EPB41L4B: variants seen among roughly 807,000 people sequenced by gnomAD.
EPB41L4B encodes the protein band 4.1-like protein 4B.
A neutral mutation model predicts 112.5 loss-of-function variants in EPB41L4B; 30 were observed. The observed-to-expected ratio is 0.27, with a 90% CI of 0.20 to 0.36. EPB41L4B has a LOEUF of 0.36. EPB41L4B is among the 10% of genes least tolerant of loss of function. The probability of loss-of-function intolerance (pLI) is 1.00; values close to 1 mark genes in which losing one functional copy is unlikely to be tolerated. For synonymous variants in EPB41L4B, 408 were observed against 439.7 expected, an observed-to-expected ratio of 0.93 and a Z score of 0.90; for missense variants, 1,024 against 1,133.3, an observed-to-expected ratio of 0.90 and a Z score of 1.38.
intron 19 of EPB41L4B, among the ~76,000 whole-genome samples, chr9:109,201,189 G>T (rs762003589): frequency 2.6e-5 from 4 of 152,060 alleles, no homozygotes; most frequent in Non-Finnish European, 5.9e-5. Context: ...AGTGGCTCAC[G>T]CCTGTAATCC....
intron 22 of EPB41L4B, among the ~76,000 whole-genome samples, chr9:109,187,008 C>G (rs949412885): frequency 6.6e-6 from 1 of 152,144 alleles, no homozygotes; most frequent in African/African-American, 2.4e-5. Flanking sequence ...GCACCATGCG[C>G]CCAGCAGAGG....
chr9:109,201,467 A>AAAAAAAAAAG (rs1347176461), intron 19 of EPB41L4B, among the ~76,000 whole-genome samples: 1 of 150,018 alleles, frequency 6.7e-6, no homozygotes, highest in Non-Finnish European at 1.5e-5. Flanking sequence ...AAAAAAAAAG[A>AAAAAAAAAAG]AAAAAAAAGT....
chr9:109,265,240 A>G (rs887716609), intron 4 of EPB41L4B, among the ~76,000 whole-genome samples: 2 of 152,174 alleles, frequency 1.3e-5, no homozygotes, highest in Admixed American at 1.3e-4. Context: ...GCATGTGGGG[A>G]ACTCGCAAGA....
At chr9:109,208,344 C>T (rs981061810) in intron 17 of EPB41L4B, among the ~76,000 whole-genome samples, 1 of 152,224 alleles carries the variant, frequency 6.6e-6, no homozygotes. Context: ...AAGAGGACAT[C>T]TCCTGGTTCA....
At chr9:109,274,521 T>C (rs1028771430) in intron 2 of EPB41L4B, among the ~76,000 whole-genome samples, 1 of 152,232 alleles carries the variant, frequency 6.6e-6, no homozygotes, top group Non-Finnish European at 1.5e-5. Flanking sequence ...TACTTGTCTA[T>C]GTCTCCCAAC....
intron 20 of EPB41L4B, among the ~76,000 whole-genome samples, chr9:109,197,819 CAA>C (rs11410452): frequency 2.3e-5 from 3 of 132,032 alleles, no homozygotes; most frequent in Non-Finnish European, 1.6e-5. Flanking sequence ...GACTCTGTAT[CAA>C]AAAAAAAAAA....
At chr9:109,262,697 G>A (rs550365275) in intron 6 of EPB41L4B, among the ~76,000 whole-genome samples, 4 of 152,270 alleles carry the variant, frequency 2.6e-5, no homozygotes, top group Admixed American at 6.5e-5. Flanking sequence ...AATGGGGCCC[G>A]AGGTCATCCA....
intron 15 of EPB41L4B, among the ~76,000 whole-genome samples, chr9:109,239,126 C>A (rs1010418421): frequency 6.6e-6 from 1 of 152,070 alleles, no homozygotes; most frequent in Non-Finnish European, 1.5e-5. Flanking sequence ...AGGAAGGGCA[C>A]CTCTGAGCCA....
At chr9:109,300,551 C>T (rs755045719) in intron 1 of EPB41L4B, 7 of 152,012 alleles carry the variant, frequency 4.6e-5, no homozygotes, top group Non-Finnish European at 1.0e-4. Flanking sequence ...TTTGGGAGGC[C>T]GAGGTAGGCA....
At chr9:109,181,161 A>G (rs1355917311) in intron 24 of EPB41L4B, among the ~76,000 whole-genome samples, 2 of 151,408 alleles carry the variant, frequency 1.3e-5, no homozygotes, top group Non-Finnish European at 2.9e-5. Context: ...ACAGGCAGCT[A>G]ATTTATTATT....
At chr9:109,277,351 G>T (rs899065106) in intron 2 of EPB41L4B, among the ~76,000 whole-genome samples, 1 of 150,796 alleles carries the variant, frequency 6.6e-6, no homozygotes, top group Non-Finnish European at 1.5e-5. Flanking sequence ...AGACAGAATC[G>T]GAAGTGTAGG....
At chr9:109,247,816 G>GAA (rs753072476) in intron 13 of EPB41L4B, 27 bp from the exon 14 acceptor site, 12 of 1,409,804 alleles carry the variant, frequency 8.5e-6, no homozygotes, top group Admixed American at 8.2e-5. Context: ...ACAAAAAACA[G>GAA]AAAAAAAAAG....
intron 17 of EPB41L4B, 142 bp from the exon 18 acceptor site, chr9:109,208,191 T>A (rs7861753): frequency 0.48 from 454,373 of 954,462 alleles, 111,434 homozygotes; most frequent in African/African-American, 0.62. Flanking sequence ...TATTTTTATC[T>A]GTGCTTTACT....
At chr9:109,190,218 A>T (rs1391947832) in intron 22 of EPB41L4B, among the ~76,000 whole-genome samples, 1 of 152,168 alleles carries the variant, frequency 6.6e-6, no homozygotes, top group East Asian at 1.9e-4. Context: ...GGGCCTCAGG[A>T]GTCTCATCCA....
At chr9:109,215,233 C>G (rs2118826769) in intron 16 of EPB41L4B, among the ~76,000 whole-genome samples, 1 of 152,232 alleles carries the variant, frequency 6.6e-6, no homozygotes, top group South Asian at 2.1e-4. Context: ...GAACTCAGTT[C>G]AAGGGTAAGA....
chr9:109,186,605 G>C (rs1358112899), intron 22 of EPB41L4B, among the ~76,000 whole-genome samples: 1 of 152,040 alleles, frequency 6.6e-6, no homozygotes, highest in African/African-American at 2.4e-5. Context: ...CTCCTGAGTA[G>C]CTGGGACTAC....
At chr9:109,282,666 G>T (rs1441307942) in intron 1 of EPB41L4B, among the ~76,000 whole-genome samples, 1 of 152,144 alleles carries the variant, frequency 6.6e-6, no homozygotes, top group Admixed American at 6.5e-5. Context: ...GATTTAGCCT[G>T]TGAGAACCAC....
At chr9:109,301,590 C>T (rs1212462620) in intron 1 of EPB41L4B, among the ~76,000 whole-genome samples, 1 of 152,176 alleles carries the variant, frequency 6.6e-6, no homozygotes, top group African/African-American at 2.4e-5. Context: ...AGTTCTACAG[C>T]TGCGTGTACA....
At chr9:109,258,143 T>A in intron 7 of EPB41L4B, 34 bp downstream of exon 7, 2 of 1,591,812 alleles carry the variant, frequency 1.3e-6, no homozygotes, top group Middle Eastern at 3.5e-4. Context: ...ACAAAATAGA[T>A]ACATCAGAAT....
Sources: allele counts gnomAD v4.1 joint callset (sites outside exome capture counted in the v4.1 genomes callset), GRCh38; gene constraint gnomAD v4.1.1; transcripts MANE v1.5; gene names NCBI Gene and HGNC (gene_info 2026-07-23, HGNC 2026-07-21).